NOP9: variants seen among roughly 807,000 people sequenced by gnomAD.
NOP9 encodes the protein NOP9 nucleolar protein.
Under a neutral mutation model 63.0 loss-of-function variants are expected in NOP9, and 50 were observed. The observed-to-expected ratio is 0.79, with a 90% CI of 0.63 to 1.00. The LOEUF (loss-of-function observed/expected upper bound fraction) is 1.00. Among genes scored for constraint, NOP9 ranks in the 50% least tolerant of loss-of-function variants. The probability of loss-of-function intolerance (pLI) is 0.00; values close to 1 mark genes in which losing one functional copy is unlikely to be tolerated. For missense variants in NOP9, 758 were observed against 803.0 expected (o/e 0.94, Z 0.68); for synonymous variants, 343 against 332.8 (o/e 1.03, Z -0.33).
intron 8 of NOP9, 93 bp from the exon 9 acceptor site, chr14:24,304,400 C>A: frequency 7.5e-7 from 1 of 1,334,376 alleles, no homozygotes; most frequent in Non-Finnish European, 1.0e-6. Context: ...TTAATTCAGC[C>A]CTTAAACTCT....
At chr14:24,274,822 A>G in the NOP9 span, among the ~76,000 whole-genome samples, 1 of 143,756 alleles carries the variant, frequency 7.0e-6, no homozygotes. Context: ...GTTAGCCAGG[A>G]TGGTCTCGAT....
upstream of NOP9, among the ~76,000 whole-genome samples, chr14:24,298,250 C>T (rs2139105562): frequency 6.6e-6 from 1 of 152,282 alleles, no homozygotes; most frequent in South Asian, 2.1e-4. Flanking sequence ...CTGGGTCTAG[C>T]TATGTTGCCC....
rs1387872094 is a variant in NOP9 at position 24,306,542 on chromosome 14, C to CA, written c.*1449dup. 1.2e-6 allele frequency: 2 copies of CA among 1,614,120 alleles called. No homozygotes were observed. The highest frequency in any genetic ancestry group is 4.5e-5 in the East Asian group (2 of 44,902). On this transcript the variant is annotated 3_prime_UTR_variant, in exon 10 of 10. Transcript: ENST00000267425. The stretch of plus-strand genomic sequence containing the variant: ...CCAATGCCTGCCCAATGGCAAGAAG[C>CA]AAGAAGGGCAGGTCTTATCCCATGC...
the NOP9 span, chr14:24,292,611 T>C: frequency 6.2e-7 from 1 of 1,614,136 alleles, no homozygotes; most frequent in Non-Finnish European, 8.5e-7. Context: ...GTAACATCAC[T>C]GTCTTTTACC....
chr14:24,292,460 A>C, the NOP9 span: 7 of 1,477,396 alleles, frequency 4.7e-6, no homozygotes, highest in African/African-American at 1.4e-5. Flanking sequence ...TCAGCTGCCC[A>C]CGCTCCCCAG....
the NOP9 span, among the ~76,000 whole-genome samples, chr14:24,272,508 TTTC>T: frequency 6.6e-6 from 1 of 152,266 alleles, no homozygotes; most frequent in South Asian, 2.1e-4. Flanking sequence ...AAACTCCGAA[TTTC>T]TTCTCCAGAT....
chr14:24,280,221 T>C, the NOP9 span, among the ~76,000 whole-genome samples: 1 of 152,132 alleles, frequency 6.6e-6, no homozygotes, highest in Non-Finnish European at 1.5e-5. Context: ...CATAAGCAAA[T>C]GTAGAAGGAC....
chr14:24,284,680 T>C, the NOP9 span, among the ~76,000 whole-genome samples: 1 of 152,128 alleles, frequency 6.6e-6, no homozygotes, highest in Non-Finnish European at 1.5e-5. Flanking sequence ...AGGGACCAGA[T>C]GCTTCAGCGA....
upstream of NOP9, among the ~76,000 whole-genome samples, chr14:24,295,336 A>G (rs73589690): frequency 3.2e-3 from 482 of 152,368 alleles, 3 homozygotes; most frequent in African/African-American, 0.011. Context: ...TAACACACAC[A>G]TAACTTGGTA....
At chr14:24,299,664 G>A (rs543651044), upstream of NOP9, 26 of 366,162 alleles carry the variant, frequency 7.1e-5, no homozygotes, top group East Asian at 6.7e-4. Context: ...AGCCGGCGAC[G>A]TGGAGGCAGT....
rs928357761 is a variant in NOP9 at position 24,307,255 on chromosome 14, C to T, written c.*2160C>T. 199 of 1,190,504 alleles carry T rather than the reference C, an allele frequency of 1.7e-4. No individual in the cohort carries two copies. The highest frequency in any genetic ancestry group is 2.2e-4 in the Non-Finnish European group (184 of 837,572). 73.7% of individuals were successfully genotyped at this position (1,190,504 alleles called of 1,614,324 possible). ...GGCCCACTCCGCTGCTTTTAGCCCTCAGAGGGAGGGGCAGCTGTGTGACTT... is the reference window on the plus strand; with the variant it reads ...GGCCCACTCCGCTGCTTTTAGCCCTTAGAGGGAGGGGCAGCTGTGTGACTT... On this transcript the variant is annotated 3_prime_UTR_variant, in exon 10 of 10. Transcript: ENST00000267425.
chr14:24,296,429 G>A, upstream of NOP9: 2 of 1,344,150 alleles, frequency 1.5e-6, no homozygotes, highest in Non-Finnish European at 2.1e-6. Flanking sequence ...GGGAAAAGGA[G>A]AGGGCATGTA....
chr14:24,278,024 A>G, the NOP9 span, among the ~76,000 whole-genome samples: 2 of 152,192 alleles, frequency 1.3e-5, no homozygotes, highest in Non-Finnish European at 2.9e-5. Flanking sequence ...CCATGGCACA[A>G]GCAGAAGTGC....
rs1201863925 is a variant in NOP9 at position 24,307,298 on chromosome 14, A to G, written c.*2203A>G. 5 of 1,509,882 alleles carry G rather than the reference A, an allele frequency of 3.3e-6. No homozygotes were observed. Among genetic ancestry groups the G allele is most frequent in the African/African-American group, 1.4e-5 (1 of 72,290 alleles). The allele number at this position is 1,509,882 out of a possible 1,614,324, so 93.5% of individuals were successfully genotyped here. ...TGTGACTTCAGCCCTCTGCTCCATC[A>G]TCACAAGTTGCCACTGTTGTGGAGC... On this transcript the variant is annotated 3_prime_UTR_variant, in exon 10 of 10. Transcript: ENST00000267425.
chr14:24,303,937 G>A, intron 7 of NOP9, 80 bp downstream of exon 7: 2 of 1,592,690 alleles, frequency 1.3e-6, no homozygotes, highest in Non-Finnish European at 1.7e-6. Flanking sequence ...GACTTCTGAG[G>A]TGAGAGTGGT....
the NOP9 span, chr14:24,290,453 C>G: frequency 5.5e-6 from 1 of 181,786 alleles, no homozygotes; most frequent in East Asian, 1.6e-4. Context: ...ACAGGTCTTG[C>G]AGGGCAGAGC....
the NOP9 span, among the ~76,000 whole-genome samples, chr14:24,284,712 G>A: frequency 6.6e-6 from 1 of 152,176 alleles, no homozygotes; most frequent in Non-Finnish European, 1.5e-5. Context: ...CCTTTGGCAT[G>A]GGTGGTAGGA....
In NOP9 at chr14:24,300,698, G is replaced by T. The variant is rs2041358075; in HGVS notation, c.538G>T (p.Glu180Ter). The change falls in exon 2 of 10, where the codon GAG (glutamate) becomes TAG (stop). Residue 180 changes from glutamate (E) to a stop codon, truncating the protein, a stop_gained. Transcript: ENST00000267425. LOFTEE classifies it high-confidence loss of function. ...AAAGGATGGTCCCACGGAGACCCTG[G>T]AGGAGCTGGTCCTGGGACTAGCCGC... is the stretch of plus-strand genomic sequence containing the variant. ...DGKDGPTETL[E>*]ELVLGLAAEV... 1 of 1,613,976 alleles carries T rather than the reference G, an allele frequency of 6.2e-7. No individual in the cohort carries two copies. The highest frequency in any genetic ancestry group is 1.3e-5 in the African/African-American group (1 of 74,870).
chr14:24,285,767 T>C, the NOP9 span, among the ~76,000 whole-genome samples: 1 of 152,172 alleles, frequency 6.6e-6, no homozygotes, highest in Non-Finnish European at 1.5e-5. Flanking sequence ...GATAGGCAGA[T>C]TGCCTGAGCT....
Sources: gnomAD v4.1 joint callset for allele counts (sites outside exome capture counted in the v4.1 genomes callset) on GRCh38, gnomAD v4.1.1 for gene constraint, MANE v1.5 for transcripts, NCBI Gene and HGNC (gene_info 2026-07-23, HGNC 2026-07-21) for gene names.